The following DNAH8 variants were observed in gnomAD, a reference collection of about 807,000 sequenced individuals.
DNAH8 encodes the protein axonemal beta dynein heavy chain 8.
DNAH8 carries 382 observed loss-of-function variants against 562.1 expected under a neutral mutation model. That is an observed-to-expected ratio of 0.68 (90% CI 0.63 to 0.74). The LOEUF is 0.74. Ranked by LOEUF, DNAH8 falls within the 30% of genes least tolerant of loss-of-function variation. The pLI is 0.00. For synonymous variants in DNAH8, 1,881 were observed against 1,919.4 expected (o/e 0.98, Z 0.52); for missense variants, 5,203 against 5,620.4 (o/e 0.93, Z 2.37).
At chr6:38,869,538 C>G (rs1777303952) in intron 48 of DNAH8, among the ~76,000 whole-genome samples, 1 of 152,170 alleles carries the variant, frequency 6.6e-6, no homozygotes, top group African/African-American at 2.4e-5. Context: ...ATGTTGGGAA[C>G]AGGGCAATCT....
chr6:38,963,410 GCT>G (rs1762760750), intron 82 of DNAH8, among the ~76,000 whole-genome samples: 1 of 113,126 alleles, frequency 8.8e-6, no homozygotes, highest in African/African-American at 3.4e-5. Flanking sequence ...TGTTGCCCAG[GCT>G]GGAGTGCAAT....
intron 17 of DNAH8, among the ~76,000 whole-genome samples, chr6:38,784,183 G>A (rs1334199266): frequency 6.6e-6 from 1 of 152,162 alleles, no homozygotes; most frequent in African/African-American, 2.4e-5. Flanking sequence ...TGGGTGCTGT[G>A]CTATATGGTA....
intron 11 of DNAH8, among the ~76,000 whole-genome samples, chr6:38,762,270 T>G (rs970649111): frequency 2.0e-5 from 3 of 152,230 alleles, no homozygotes; most frequent in African/African-American, 4.8e-5. Context: ...CCAAGAGATA[T>G]TTTTTAAAGT....
At chr6:38,929,808 C>T in intron 75 of DNAH8, 142 bp downstream of exon 75, 1 of 711,444 alleles carries the variant, frequency 1.4e-6, no homozygotes, top group Non-Finnish European at 2.1e-6. Context: ...ATGCAATTTC[C>T]TTTAGGCAGT....
chr6:38,839,040 T>C (rs1375775534), intron 33 of DNAH8, among the ~76,000 whole-genome samples: 1 of 152,222 alleles, frequency 6.6e-6, no homozygotes, highest in African/African-American at 2.4e-5. Context: ...AGGTGGTTTG[T>C]ATTCTCTTTC....
At chr6:38,857,203 C>A in intron 41 of DNAH8, among the ~76,000 whole-genome samples, 1 of 152,148 alleles carries the variant, frequency 6.6e-6, no homozygotes, top group Non-Finnish European at 1.5e-5. Context: ...CTTTGCTTTT[C>A]TTGAGAAAGA....
In DNAH8 at chr6:38,778,469, TC is replaced by T. The variant is rs1562751372; in HGVS notation, c.2039+6del. The T allele has an allele frequency of 1.9e-6, 3 of 1,549,858 alleles. No homozygotes were observed. The highest frequency in any genetic ancestry group is 1.8e-6 in the Non-Finnish European group (2 of 1,128,466). The stretch of plus-strand genomic sequence containing the variant: ...GGCTCTTCAGCTACTTCAAAGGTAT[TC>T]ATAACACTTTAAGCAGAGTAGTTTC... On this transcript the variant is annotated splice_donor_region_variant and intron_variant, in intron 14 of 92. Coordinates refer to ENST00000327475, the MANE Select transcript of DNAH8 (RefSeq NM_001206927.2).
At chr6:38,967,948 ATC>A (rs1763080880) in intron 82 of DNAH8, among the ~76,000 whole-genome samples, 1 of 152,196 alleles carries the variant, frequency 6.6e-6, no homozygotes, top group Non-Finnish European at 1.5e-5. Flanking sequence ...AAGAATATAT[ATC>A]TCAATGCAGA....
chr6:38,913,501 CA>C (rs1278329034), intron 66 of DNAH8, among the ~76,000 whole-genome samples: 50 of 152,106 alleles, frequency 3.3e-4, no homozygotes, highest in Non-Finnish European at 4.1e-4. Context: ...GATTCAAAGG[CA>C]AAAAATGATA....
At position 38,722,941 on chromosome 6, in the gene DNAH8, A is replaced by G. The variant is rs1296991957; in HGVS notation, c.132A>G (p.Glu44=). Residue 44 remains glutamate (E), a synonymous_variant, in exon 2 of 93, where the codon GAA becomes GAG. Transcript: ENST00000327475. ...CTCCGACAGTGGAGGCCCCGGCAGA[A>G]GATGGTTTCTCTCCTTCCGCAGAAG... ...PRPPTVEAPA[E]DGFSPSAEDA... is the part of the protein sequence containing the mutation. The G allele has an allele frequency of 6.2e-7, 1 of 1,612,650 alleles. No homozygotes were observed. Among genetic ancestry groups the G allele is most frequent in the Non-Finnish European group, 8.5e-7 (1 of 1,179,710 alleles).
In DNAH8 at chr6:38,791,637, G is replaced by GAAAC. The variant is rs746485873; in HGVS notation, c.2864_2865insAAAC (p.Ala956AsnfsTer13). On this transcript the variant is annotated frameshift_variant, in exon 21 of 93. Coordinates refer to ENST00000327475, the MANE Select transcript of DNAH8 (RefSeq NM_001206927.2). LOFTEE classifies it high-confidence loss of function. ...GTGTTGATTTCTCTGCCTGAAAGTG[G>GAAAC]TGCTACCAAAGTAGAAGATATGTTG... The GAAAC allele has an allele frequency of 3.7e-6, 6 of 1,613,864 alleles. No homozygotes were observed. The highest frequency in any genetic ancestry group is 5.1e-6 in the Non-Finnish European group (6 of 1,179,930).
At chr6:38,950,761 A>G (rs958484229) in intron 81 of DNAH8, among the ~76,000 whole-genome samples, 8 of 151,918 alleles carry the variant, frequency 5.3e-5, no homozygotes, top group Non-Finnish European at 7.4e-5. Context: ...TTTTATTGGA[A>G]CAAATGTGTC....
At chr6:38,770,347 T>C (rs573977319) in intron 11 of DNAH8, 66 bp from the exon 12 acceptor site, 1 of 1,106,856 alleles carries the variant, frequency 9.0e-7, no homozygotes, top group African/African-American at 1.6e-5. Context: ...GGTAGAGTTT[T>C]TGAATTTTCG....
chr6:38,798,489 G>A (rs542594055), intron 21 of DNAH8, among the ~76,000 whole-genome samples: 4 of 152,152 alleles, frequency 2.6e-5, no homozygotes, highest in Non-Finnish European at 5.9e-5. Context: ...GCTTTACTTT[G>A]TGTGGCCTCA....
intron 88 of DNAH8, among the ~76,000 whole-genome samples, chr6:39,007,729 T>G (rs964697050): frequency 1.5e-4 from 23 of 152,172 alleles, no homozygotes; most frequent in Non-Finnish European, 2.9e-4. Context: ...GTTCCTCAAA[T>G]GCACTGAAAC....
chr6:38,734,972 C>T (rs1024857875), intron 5 of DNAH8, among the ~76,000 whole-genome samples: 1 of 152,012 alleles, frequency 6.6e-6, no homozygotes, highest in African/African-American at 2.4e-5. Context: ...GAGAGTTGTC[C>T]TAGAGCCTGG....
intron 31 of DNAH8, among the ~76,000 whole-genome samples, chr6:38,834,248 A>AT (rs1408154433): frequency 6.6e-6 from 1 of 152,176 alleles, no homozygotes; most frequent in African/African-American, 2.4e-5. Context: ...ATTTTGTCAC[A>AT]TTTTTTATTA....
chr6:38,974,448 T>C lies in DNAH8; in HGVS notation c.12753T>C (p.Asn4251=), dbSNP rs1429406709. Residue 4251 remains asparagine (N), a synonymous_variant, in exon 85 of 93, where the codon AAT becomes AAC. Transcript: ENST00000327475. ...AGLKRTFAGI[N]QDLLDISNLP... ...TGAAAAGAACATTTGCTGGAATTAA[T>C]CAAGACCTTCTGGACATCAGTAATT... 1 of 1,613,888 alleles carries C rather than the reference T, an allele frequency of 6.2e-7. No individual in the cohort carries two copies. Among genetic ancestry groups the C allele is most frequent in the Admixed American group, 1.7e-5 (1 of 60,024 alleles).
chr6:38,916,612 C>T (rs1224073389), intron 68 of DNAH8, among the ~76,000 whole-genome samples: 1 of 152,132 alleles, frequency 6.6e-6, no homozygotes, highest in Non-Finnish European at 1.5e-5. Context: ...TCTGCACCCC[C>T]ACTTCCTTTA....
Sources: allele counts gnomAD v4.1 joint callset (sites outside exome capture counted in the v4.1 genomes callset), GRCh38; gene constraint gnomAD v4.1.1; transcripts MANE v1.5; gene names NCBI Gene and HGNC (gene_info 2026-07-23, HGNC 2026-07-21).